The following NRG3 variants were observed in gnomAD, a reference collection of about 807,000 sequenced individuals.
NRG3 encodes the protein pro-neuregulin-3, membrane-bound isoform.
Under a neutral mutation model 66.9 loss-of-function variants are expected in NRG3, and 31 were observed. That is an observed-to-expected ratio of 0.46 (90% confidence interval 0.35 to 0.63). The LOEUF is 0.63. NRG3 is among the 20% of genes least tolerant of loss of function. NRG3 has a pLI of 0.00. For synonymous variants in NRG3, 393 were observed against 359.4 expected, an observed-to-expected ratio of 1.09 and a Z score of -1.06; for missense variants, 910 against 878.9, an observed-to-expected ratio of 1.04 and a Z score of -0.45.
intron 3 of NRG3, among the ~76,000 whole-genome samples, chr10:82,784,779 T>C (rs1465445929): frequency 7.2e-5 from 11 of 151,944 alleles, no homozygotes; most frequent in Admixed American, 1.3e-4. Flanking sequence ...AGTTCAACCA[T>C]TGTGGAAGTC....
intron 2 of NRG3, among the ~76,000 whole-genome samples, chr10:82,374,855 C>T (rs1457636804): frequency 6.6e-6 from 1 of 152,170 alleles, no homozygotes; most frequent in East Asian, 1.9e-4. Context: ...CCTGCATACC[C>T]TTGTAAACAT....
intron 3 of NRG3, among the ~76,000 whole-genome samples, chr10:82,839,498 T>C (rs1296854871): frequency 2.0e-5 from 3 of 151,724 alleles, no homozygotes; most frequent in Non-Finnish European, 4.4e-5. Flanking sequence ...GACTCTACAA[T>C]ACCATCACCA....
intron 2 of NRG3, among the ~76,000 whole-genome samples, chr10:82,553,313 A>T (rs1315092800): frequency 2.0e-5 from 3 of 152,046 alleles, no homozygotes; most frequent in African/African-American, 7.2e-5. Context: ...GTAGGAGGAT[A>T]ACTAGTGAGA....
At chr10:81,946,938 T>G (rs1056250175) in intron 1 of NRG3, among the ~76,000 whole-genome samples, 18 of 152,192 alleles carry the variant, frequency 1.2e-4, no homozygotes. Context: ...ACTAGCTTCC[T>G]AGGGATGCTG....
intron 2 of NRG3, among the ~76,000 whole-genome samples, chr10:82,401,096 T>C: frequency 6.6e-6 from 1 of 152,104 alleles, no homozygotes; most frequent in East Asian, 1.9e-4. Context: ...CACTCAGGGC[T>C]TCCTGGAATG....
rs560183589 is a variant in NRG3 at position 82,880,603 on chromosome 10, T to C, written c.1054+15166T>C. On this transcript the variant is annotated intron_variant, in intron 4 of 8. Transcript: ENST00000372141. ...AATGGTGTGTTTTCTCCAAATATGA[T>C]GATATCCTACTTTGTGCTGGGCTCC... 1.3e-4 allele frequency among the ~76,000 whole-genome samples: 20 copies of C among 152,330 alleles called. No homozygotes were observed. In the South Asian group the frequency reaches 1.4e-3, roughly 11 times the overall value.
At chr10:82,588,938 T>C in intron 2 of NRG3, among the ~76,000 whole-genome samples, 1 of 152,212 alleles carries the variant, frequency 6.6e-6, no homozygotes, top group East Asian at 1.9e-4. Flanking sequence ...AGCCATTCCC[T>C]CATTCAGGCT....
At chr10:82,704,125 C>T (rs1031500491) in intron 2 of NRG3, among the ~76,000 whole-genome samples, 1 of 152,082 alleles carries the variant, frequency 6.6e-6, no homozygotes, top group Non-Finnish European at 1.5e-5. Flanking sequence ...TTTGTTCCTT[C>T]CTTTAAGTCT....
chr10:82,404,669 C>T (rs1406177420), intron 2 of NRG3, among the ~76,000 whole-genome samples: 1 of 152,112 alleles, frequency 6.6e-6, no homozygotes, highest in Admixed American at 6.6e-5. Context: ...ATAGTTATTT[C>T]TGTATATTTG....
intron 2 of NRG3, among the ~76,000 whole-genome samples, chr10:82,504,262 G>C (rs1844470099): frequency 6.6e-6 from 1 of 152,166 alleles, no homozygotes; most frequent in South Asian, 2.1e-4. Flanking sequence ...GAATGTTCTT[G>C]TGTTGGGAAG....
chr10:82,507,425 GAA>G (rs1844785927), intron 2 of NRG3, among the ~76,000 whole-genome samples: 1 of 152,178 alleles, frequency 6.6e-6, no homozygotes, highest in African/African-American at 2.4e-5. Flanking sequence ...TTCTGAGAAG[GAA>G]AAGAGTAATA....
At chr10:82,705,610 T>C (rs1395019417) in intron 2 of NRG3, among the ~76,000 whole-genome samples, 1 of 152,228 alleles carries the variant, frequency 6.6e-6, no homozygotes, top group Non-Finnish European at 1.5e-5. Flanking sequence ...TCAGAAGATA[T>C]TAATCAATGA....
At chr10:82,607,875 C>G (rs1435073587) in intron 2 of NRG3, among the ~76,000 whole-genome samples, 1 of 152,016 alleles carries the variant, frequency 6.6e-6, no homozygotes, top group Non-Finnish European at 1.5e-5. Context: ...AAGTCCCAGT[C>G]CCTCCCTTCT....
In NRG3 at chr10:82,813,943, G is replaced by A. The variant is rs949353089; in HGVS notation, c.1028-51468G>A. Among the ~76,000 whole-genome samples, 10 of 152,204 alleles carry A rather than the reference G, an allele frequency of 6.6e-5. No individual in the cohort carries two copies. In the South Asian group the frequency reaches 8.3e-4, roughly 13 times the overall value. On this transcript the variant is annotated intron_variant, in intron 3 of 8. Coordinates refer to ENST00000372141, the MANE Select transcript of NRG3 (RefSeq NM_001010848.4). ...TGGGAAACAGCAGCTGGCCTGGCGC[G>A]TGACTCCTCAGTCCCAGATTCATAG...
chr10:82,826,849 T>A (rs2062237063), intron 3 of NRG3, among the ~76,000 whole-genome samples: 1 of 151,630 alleles, frequency 6.6e-6, no homozygotes, highest in Non-Finnish European at 1.5e-5. Flanking sequence ...GTACACCAAA[T>A]CCCAGAGACA....
chr10:82,262,213 A>G (rs1178077583), intron 1 of NRG3, among the ~76,000 whole-genome samples: 1 of 152,216 alleles, frequency 6.6e-6, no homozygotes, highest in Non-Finnish European at 1.5e-5. Flanking sequence ...GTGAGATTTG[A>G]GTTGACTATT....
chr10:82,914,684 G>A (rs1231068244), intron 4 of NRG3, among the ~76,000 whole-genome samples: 2 of 151,758 alleles, frequency 1.3e-5, no homozygotes, highest in East Asian at 1.9e-4. Context: ...ATTATTCTAT[G>A]ATGAGAGCTC....
intron 1 of NRG3, among the ~76,000 whole-genome samples, chr10:81,929,765 C>G (rs1295259074): frequency 6.6e-6 from 1 of 152,122 alleles, no homozygotes; most frequent in East Asian, 1.9e-4. Flanking sequence ...GTTTATTCCT[C>G]AAAAATGATG....
At chr10:82,181,623 A>G (rs567966190) in intron 1 of NRG3, among the ~76,000 whole-genome samples, 1 of 151,940 alleles carries the variant, frequency 6.6e-6, no homozygotes, top group East Asian at 1.9e-4. Flanking sequence ...TAGAAAACAT[A>G]CTTTTGATAA....
Sources: gnomAD v4.1 joint callset for allele counts (sites outside exome capture counted in the v4.1 genomes callset) on GRCh38, gnomAD v4.1.1 for gene constraint, MANE v1.5 for transcripts, NCBI Gene and HGNC (gene_info 2026-07-23, HGNC 2026-07-21) for gene names.